DOK6: variants seen among roughly 807,000 people sequenced by gnomAD.
The protein encoded by DOK6 is docking protein 6, also known as downstream of tyrosine kinase 6.
In DOK6, 22 loss-of-function variants were observed where a neutral mutation model predicts 44.0. The ratio of observed to expected loss-of-function variants is 0.50; its 90% CI spans 0.36 to 0.71. The LOEUF (loss-of-function observed/expected upper bound fraction) is 0.71, where lower values mean the gene tolerates loss of function less well. DOK6 is among the 30% of genes least tolerant of loss of function. The probability of loss-of-function intolerance (pLI) is 0.00; values close to 1 mark genes in which losing one functional copy is unlikely to be tolerated. For synonymous variants in DOK6, 166 were observed against 145.5 expected, an observed-to-expected ratio of 1.14 and a Z score of -1.01; for missense variants, 340 against 416.4, an observed-to-expected ratio of 0.82 and a Z score of 1.60.
chr18:69,672,063 C>A (rs1242988580), intron 3 of DOK6, among the ~76,000 whole-genome samples: 1 of 152,118 alleles, frequency 6.6e-6, no homozygotes, highest in Non-Finnish European at 1.5e-5. Flanking sequence ...GGAAAGGTGT[C>A]ACATCTAAAC....
At chr18:69,546,454 C>A (rs1331461194) in intron 1 of DOK6, among the ~76,000 whole-genome samples, 1 of 151,534 alleles carries the variant, frequency 6.6e-6, no homozygotes, top group Admixed American at 6.6e-5. Context: ...GATTCCATAA[C>A]CAGGAATGGC....
intron 7 of DOK6, among the ~76,000 whole-genome samples, chr18:69,839,842 C>T (rs887497115): frequency 6.6e-6 from 1 of 152,240 alleles, no homozygotes; most frequent in African/African-American, 2.4e-5. Context: ...GGAAAAGCCC[C>T]TCTTCTCTTT....
chr18:69,760,259 G>A (rs555568988), intron 7 of DOK6, among the ~76,000 whole-genome samples: 24 of 152,210 alleles, frequency 1.6e-4, no homozygotes, highest in Admixed American at 9.2e-4. Context: ...TTGAAAATAA[G>A]GAAGAAATAA....
At chr18:69,434,463 A>C (rs1373656379) in intron 1 of DOK6, among the ~76,000 whole-genome samples, 3 of 152,138 alleles carry the variant, frequency 2.0e-5, no homozygotes, top group Admixed American at 6.5e-5. Context: ...TGGCATGTGT[A>C]CTGGATTGTT....
At chr18:69,624,240 G>A (rs1219199621) in intron 3 of DOK6, among the ~76,000 whole-genome samples, 2 of 151,928 alleles carry the variant, frequency 1.3e-5, no homozygotes, top group Non-Finnish European at 2.9e-5. Context: ...CATCATCATC[G>A]TCATTATCAA....
intron 7 of DOK6, among the ~76,000 whole-genome samples, chr18:69,835,550 C>A (rs758534981): frequency 6.6e-6 from 1 of 152,160 alleles, no homozygotes; most frequent in Admixed American, 6.5e-5. Flanking sequence ...AATAAAAGGG[C>A]TCTCTTCTGT....
intron 3 of DOK6, 92 bp from the exon 4 acceptor site, chr18:69,677,642 G>A: frequency 1.3e-6 from 2 of 1,592,860 alleles, no homozygotes; most frequent in East Asian, 4.6e-5. Context: ...CTTAACTCTT[G>A]CCAGTTACCT....
chr18:69,792,259 T>A (rs1334325914), intron 7 of DOK6, among the ~76,000 whole-genome samples: 1 of 152,082 alleles, frequency 6.6e-6, no homozygotes, highest in Non-Finnish European at 1.5e-5. Flanking sequence ...TTAATAGAAT[T>A]GTCTTTTCTG....
chr18:69,499,365 T>C (rs1980986319), intron 1 of DOK6, among the ~76,000 whole-genome samples: 1 of 152,168 alleles, frequency 6.6e-6, no homozygotes, highest in Non-Finnish European at 1.5e-5. Context: ...AATCAATAGA[T>C]GTGGACTGAA....
At position 69,811,829 on chromosome 18, in the gene DOK6, C is replaced by G. The variant is rs1279087132; in HGVS notation, c.857-29415C>G. On this transcript the variant is annotated intron_variant, in intron 7 of 7. Coordinates refer to ENST00000382713, the MANE Select transcript of DOK6 (RefSeq NM_152721.6). ...ACTGGACAGCAAAGTCAGAAGGAACCTCAGATCTCCTGATTTCCCTAAGAA... is the reference window on the plus strand; with the variant it reads ...ACTGGACAGCAAAGTCAGAAGGAACGTCAGATCTCCTGATTTCCCTAAGAA... Among the ~76,000 whole-genome samples, 5 of 151,746 alleles carry G rather than the reference C, an allele frequency of 3.3e-5. No individual in the cohort carries two copies. The East Asian group carries it at 9.7e-4, about 29-fold the overall frequency.
intron 6 of DOK6, among the ~76,000 whole-genome samples, chr18:69,746,519 G>A (rs1373106657): frequency 1.3e-5 from 2 of 152,200 alleles, no homozygotes; most frequent in Non-Finnish European, 2.9e-5. Context: ...GCCTCCCAAA[G>A]TGCTAGGATT....
intron 1 of DOK6, among the ~76,000 whole-genome samples, chr18:69,543,687 G>T (rs989344188): frequency 2.0e-5 from 3 of 151,264 alleles, no homozygotes; most frequent in African/African-American, 7.3e-5. Flanking sequence ...CTTGATTTTT[G>T]TATCTCCGTT....
chr18:69,588,353 AAC>A (rs1192828219), intron 2 of DOK6, among the ~76,000 whole-genome samples: 1 of 152,200 alleles, frequency 6.6e-6, no homozygotes, highest in Admixed American at 6.5e-5. Context: ...ACTCTTGCTA[AAC>A]AGTTAAAACA....
At chr18:69,603,308 A>G (rs1456399747) in intron 3 of DOK6, among the ~76,000 whole-genome samples, 2 of 152,184 alleles carry the variant, frequency 1.3e-5, no homozygotes, top group Non-Finnish European at 1.5e-5. Context: ...TCATAGCGCA[A>G]AAACCTACCC....
At chr18:69,486,311 T>C (rs1568273374) in intron 1 of DOK6, among the ~76,000 whole-genome samples, 1 of 152,142 alleles carries the variant, frequency 6.6e-6, no homozygotes, top group Non-Finnish European at 1.5e-5. Context: ...TTAGTTTTTG[T>C]TTAATCTGAA....
chr18:69,440,137 G>C (rs1979095522), intron 1 of DOK6, among the ~76,000 whole-genome samples: 1 of 152,172 alleles, frequency 6.6e-6, no homozygotes, highest in Admixed American at 6.5e-5. Context: ...AGGGAGAGAA[G>C]TGGGAAATGG....
At chr18:69,618,356 A>G (rs752112413) in intron 3 of DOK6, among the ~76,000 whole-genome samples, 2 of 152,232 alleles carry the variant, frequency 1.3e-5, no homozygotes, top group Non-Finnish European at 2.9e-5. Context: ...CAAGGTGTGT[A>G]TGAAGGCAAA....
At chr18:69,827,917 T>C (rs1981787479) in intron 7 of DOK6, among the ~76,000 whole-genome samples, 1 of 152,000 alleles carries the variant, frequency 6.6e-6, no homozygotes, top group African/African-American at 2.4e-5. Context: ...TCAAGTTTTT[T>C]CTTAATATAT....
intron 3 of DOK6, among the ~76,000 whole-genome samples, chr18:69,675,702 G>C (rs1055364811): frequency 1.3e-5 from 2 of 151,992 alleles, no homozygotes; most frequent in Admixed American, 1.3e-4. Flanking sequence ...AATAATCATA[G>C]TGTCTCCCTT....
Sources: allele counts gnomAD v4.1 joint callset (sites outside exome capture counted in the v4.1 genomes callset), GRCh38; gene constraint gnomAD v4.1.1; transcripts MANE v1.5; gene names NCBI Gene and HGNC (gene_info 2026-07-23, HGNC 2026-07-21).